DCBLD1: variants seen among roughly 807,000 people sequenced by gnomAD.
The protein encoded by DCBLD1 is discoidin, CUB and LCCL domain-containing protein 1.
A neutral mutation model predicts 71.5 loss-of-function variants in DCBLD1; 57 were observed. The ratio of observed to expected loss-of-function variants is 0.80; its 90% CI spans 0.64 to 0.99. The LOEUF (loss-of-function observed/expected upper bound fraction) is 0.99. Among genes scored for constraint, DCBLD1 ranks in the 50% least tolerant of loss-of-function variants. DCBLD1 has a pLI of 0.00. For missense variants in DCBLD1, 891 were observed against 923.5 expected, an observed-to-expected ratio of 0.96 and a Z score of 0.46; for synonymous variants, 380 against 363.8, an observed-to-expected ratio of 1.04 and a Z score of -0.51.
Position 117,557,732 on chromosome 6 carries a change from C to G in DCBLD1, c.1616-11888C>G, listed in dbSNP as rs145094872. ...TGAGCCAAGATTGCACCATTGCACT[C>G]CAGCCTGGGCAACAAGAGTGAAACT... is the stretch of plus-strand genomic sequence containing the variant. On this transcript the variant is annotated intron_variant, in intron 14 of 14. Transcript: ENST00000296955. Among the ~76,000 whole-genome samples, 656 of 152,242 alleles carry G rather than the reference C, an allele frequency of 4.3e-3. 4 individuals carry two copies. The highest frequency in any genetic ancestry group is 0.02 in the Middle Eastern group (6 of 294).
intron 1 of DCBLD1, among the ~76,000 whole-genome samples, chr6:117,487,283 G>A (rs966840681): frequency 2.0e-5 from 3 of 151,954 alleles, no homozygotes; most frequent in African/African-American, 7.3e-5. Flanking sequence ...GGGGTGAGAA[G>A]GCAGTGAAAA....
At chr6:117,491,024 A>G (rs1777275118) in intron 1 of DCBLD1, among the ~76,000 whole-genome samples, 1 of 152,232 alleles carries the variant, frequency 6.6e-6, no homozygotes. Flanking sequence ...ATGTCCAGTT[A>G]AATTTGAATT....
intron 1 of DCBLD1, among the ~76,000 whole-genome samples, chr6:117,497,892 G>A (rs1437709177): frequency 6.6e-6 from 1 of 152,096 alleles, no homozygotes; most frequent in African/African-American, 2.4e-5. Flanking sequence ...GAGGAAAAAT[G>A]TATAAATAAA....
In DCBLD1 at chr6:117,545,557, G is replaced by A; in HGVS notation, c.1575G>A (p.Glu525=). ...EFTISYDNEK[E]MTQKLDLITS... Reference sequence around the variant, plus strand: ...CCATCAGCTATGATAATGAGAAGGAGATGACACAAAAGTTAGATCTCATCA... The same window carrying A: ...CCATCAGCTATGATAATGAGAAGGAAATGACACAAAAGTTAGATCTCATCA... Residue 525 remains glutamate, a synonymous_variant, in exon 14 of 15, where the codon GAG becomes GAA. Coordinates refer to ENST00000338728, the MANE Select transcript of DCBLD1 (RefSeq NM_001366458.2). 6.2e-7 allele frequency: 1 copy of A among 1,614,152 alleles called. No individual in the cohort carries two copies. The highest frequency in any genetic ancestry group is 8.5e-7 in the Non-Finnish European group (1 of 1,180,008).
At chr6:117,524,759 G>A (rs1778493882) in intron 4 of DCBLD1, among the ~76,000 whole-genome samples, 1 of 152,044 alleles carries the variant, frequency 6.6e-6, no homozygotes, top group South Asian at 2.1e-4. Flanking sequence ...ATTTGAACAT[G>A]CTGGATTAAA....
At chr6:117,545,037 C>G (rs1282709235) in intron 13 of DCBLD1, among the ~76,000 whole-genome samples, 2 of 150,706 alleles carry the variant, frequency 1.3e-5, no homozygotes, top group Admixed American at 6.6e-5. Flanking sequence ...TTCCCAGACA[C>G]AGGTGCCCAA....
chr6:117,497,957 A>G (rs891700734), intron 1 of DCBLD1, among the ~76,000 whole-genome samples: 1 of 152,230 alleles, frequency 6.6e-6, no homozygotes, highest in African/African-American at 2.4e-5. Context: ...AATATTACAC[A>G]TCTATGTGTG....
At chr6:117,566,504 AATTTG>A (rs1296836096) in intron 14 of DCBLD1, among the ~76,000 whole-genome samples, 1 of 152,194 alleles carries the variant, frequency 6.6e-6, no homozygotes, top group Non-Finnish European at 1.5e-5. Flanking sequence ...GTGAGAGATG[AATTTG>A]CATCAAGACA....
intron 6 of DCBLD1, among the ~76,000 whole-genome samples, chr6:117,533,895 G>A (rs1031803554): frequency 6.6e-6 from 1 of 152,140 alleles, no homozygotes; most frequent in Non-Finnish European, 1.5e-5. Context: ...TCAGGGGTCG[G>A]GGTGAGAGTA....
At chr6:117,489,910 G>C (rs982950418) in intron 1 of DCBLD1, among the ~76,000 whole-genome samples, 3 of 152,160 alleles carry the variant, frequency 2.0e-5, no homozygotes, top group Non-Finnish European at 4.4e-5. Context: ...ATTTCTCTTA[G>C]GTTGGAGCTT....
chr6:117,522,692 G>T (rs573403974), intron 4 of DCBLD1, among the ~76,000 whole-genome samples: 1 of 152,236 alleles, frequency 6.6e-6, no homozygotes, highest in Non-Finnish European at 1.5e-5. Flanking sequence ...CCAAAGTGCT[G>T]GGATTACAAG....
chr6:117,532,103 GT>G (rs1778742598), intron 5 of DCBLD1, among the ~76,000 whole-genome samples, 156 bp from the exon 6 acceptor site: 2 of 152,232 alleles, frequency 1.3e-5, no homozygotes, highest in African/African-American at 4.8e-5. Context: ...ATGGTCCAGA[GT>G]CAGTGAGGGA....
At chr6:117,542,814 C>T in intron 11 of DCBLD1, among the ~76,000 whole-genome samples, 1 of 152,060 alleles carries the variant, frequency 6.6e-6, no homozygotes, top group East Asian at 1.9e-4. Flanking sequence ...AGGGGTTAAA[C>T]TCTCCCCTCA....
chr6:117,532,400 A>G lies in DCBLD1; in HGVS notation c.719+7A>G. The G allele has an allele frequency of 6.3e-7, 1 of 1,598,016 alleles. No homozygotes were observed. Among genetic ancestry groups the G allele is most frequent in the Non-Finnish European group, 8.5e-7 (1 of 1,174,678 alleles). ...ATGGTGTTCTTTCGAGGGAGTAAGT[A>G]TTTTTTTTCAGTATCGTTTGTTCTG... On this transcript the variant is annotated splice_region_variant and intron_variant, in intron 6 of 14. Coordinates refer to ENST00000338728, the MANE Select transcript of DCBLD1 (RefSeq NM_001366458.2).
At chr6:117,527,043 C>T (rs1350540374) in intron 5 of DCBLD1, among the ~76,000 whole-genome samples, 1 of 152,174 alleles carries the variant, frequency 6.6e-6, no homozygotes, top group Non-Finnish European at 1.5e-5. Context: ...GATTGAGGGC[C>T]TCGGTTTCTT....
downstream of DCBLD1, among the ~76,000 whole-genome samples, chr6:117,551,500 C>G (rs1307064444): frequency 1.3e-5 from 2 of 152,134 alleles, no homozygotes; most frequent in Non-Finnish European, 2.9e-5. Flanking sequence ...CTGCCTCAGC[C>G]TCCCGAGTAG....
At chr6:117,515,185 A>G (rs1309902750) in intron 2 of DCBLD1, among the ~76,000 whole-genome samples, 2 of 151,960 alleles carry the variant, frequency 1.3e-5, no homozygotes, top group Non-Finnish European at 2.9e-5. Flanking sequence ...ATGCTCGGCT[A>G]ATTTTTTTTG....
At chr6:117,487,362 A>G (rs991141203) in intron 1 of DCBLD1, among the ~76,000 whole-genome samples, 5 of 152,196 alleles carry the variant, frequency 3.3e-5, no homozygotes, top group African/African-American at 1.2e-4. Flanking sequence ...GAGGTGGCTC[A>G]CACCTGTAAT....
intron 2 of DCBLD1, among the ~76,000 whole-genome samples, chr6:117,512,878 TA>T (rs950905946): frequency 3.1e-4 from 47 of 149,850 alleles, no homozygotes; most frequent in Middle Eastern, 3.4e-3. Flanking sequence ...GTATGGTAGT[TA>T]AAAAAAAAAT....
Sources: gnomAD v4.1 joint callset for allele counts (sites outside exome capture counted in the v4.1 genomes callset) on GRCh38, gnomAD v4.1.1 for gene constraint, MANE v1.5 for transcripts, NCBI Gene and HGNC (gene_info 2026-07-23, HGNC 2026-07-21) for gene names.